Variants in MTMR7 observed in about 807,000 individuals in gnomAD.
The protein encoded by MTMR7 is phosphatidylinositol-3-phosphate phosphatase MTMR7.
A neutral mutation model predicts 81.2 loss-of-function variants in MTMR7; 76 were observed. That is an observed-to-expected ratio of 0.94 (90% confidence interval 0.78 to 1.13). The LOEUF (loss-of-function observed/expected upper bound fraction) is 1.13. Among genes scored for constraint, MTMR7 ranks in the 50% most tolerant of loss-of-function variants. The pLI is 0.00. For missense variants in MTMR7, 1,044 were observed against 820.0 expected (o/e 1.27, Z -3.34); for synonymous variants, 372 against 289.8 (o/e 1.28, Z -2.88).
chr8:17,307,321 C>G (rs1397532022), intron 10 of MTMR7, among the ~76,000 whole-genome samples: 1 of 152,200 alleles, frequency 6.6e-6, no homozygotes, highest in Non-Finnish European at 1.5e-5. Context: ...AAATGCAAAT[C>G]AAAACCACAA....
intron 5 of MTMR7, among the ~76,000 whole-genome samples, chr8:17,342,942 A>G (rs1393259009): frequency 2.0e-5 from 3 of 151,990 alleles, no homozygotes; most frequent in African/African-American, 4.8e-5. Flanking sequence ...GATGGGGATC[A>G]AGAGGGACTT....
At chr8:17,374,164 C>T (rs905230373) in intron 1 of MTMR7, among the ~76,000 whole-genome samples, 1 of 152,206 alleles carries the variant, frequency 6.6e-6, no homozygotes, top group African/African-American at 2.4e-5. Context: ...GGAACTAACG[C>T]ATTGTATTCG....
At chr8:17,360,653 T>G (rs1420049880) in intron 4 of MTMR7, among the ~76,000 whole-genome samples, 25 of 151,984 alleles carry the variant, frequency 1.6e-4, no homozygotes, top group Admixed American at 1.6e-3. Context: ...TTCCTGTGAG[T>G]GTAGACATGT....
At chr8:17,335,453 A>G (rs1166504486) in intron 6 of MTMR7, among the ~76,000 whole-genome samples, 4 of 152,218 alleles carry the variant, frequency 2.6e-5, no homozygotes, top group African/African-American at 7.2e-5. Flanking sequence ...TCATCTTGGT[A>G]TCAGGTTAAA....
chr8:17,350,637 T>C (rs1007469405), intron 4 of MTMR7, among the ~76,000 whole-genome samples: 1 of 152,140 alleles, frequency 6.6e-6, no homozygotes, highest in Non-Finnish European at 1.5e-5. Flanking sequence ...GCAGGCCCTG[T>C]GTCCATCTCC....
chr8:17,362,251 T>C (rs1820082788), intron 3 of MTMR7, among the ~76,000 whole-genome samples: 1 of 152,240 alleles, frequency 6.6e-6, no homozygotes, highest in Non-Finnish European at 1.5e-5. Flanking sequence ...TAATATTTGA[T>C]ACATTTTGTT....
At chr8:17,345,412 G>T (rs1056879784) in intron 5 of MTMR7, among the ~76,000 whole-genome samples, 9 of 152,210 alleles carry the variant, frequency 5.9e-5, no homozygotes, top group Non-Finnish European at 7.3e-5. Flanking sequence ...ATACTACACA[G>T]CCTGCCTCTC....
rs566778791 is a variant in MTMR7 at position 17,377,677 on chromosome 8, T to C, written c.25-4437A>G. On this transcript the variant is annotated intron_variant, in intron 1 of 13. Transcript: ENST00000180173. ...ACAAAAGTTTTTAAATTCAATCATT[T>C]TCCTCCAAGTATATCTCAGGTTTTA... is the stretch of plus-strand genomic sequence containing the variant. 9.2e-5 allele frequency among the ~76,000 whole-genome samples: 14 copies of C among 152,254 alleles called. No individual in the cohort carries two copies. The South Asian group carries it at 1.2e-3, about 14-fold the overall frequency.
rs527375441 is a variant in MTMR7, at chr8:17,332,724, T to C, written c.733-1442A>G. Reference sequence around the variant, plus strand: ...GGTCGAACCATTAAGTCAGAGACCCTCTGTGCATAGACTTGGCATTGGCCC... The same window carrying C: ...GGTCGAACCATTAAGTCAGAGACCCCCTGTGCATAGACTTGGCATTGGCCC... On this transcript the variant is annotated intron_variant, in intron 6 of 13. Coordinates refer to ENST00000180173, the MANE Select transcript of MTMR7 (RefSeq NM_004686.5). Among the ~76,000 whole-genome samples the C allele has an allele frequency of 2.0e-5, 3 of 152,346 alleles. No individual in the cohort carries two copies. The South Asian group carries it at 6.2e-4, about 32-fold the overall frequency.
chr8:17,312,776 C>T (rs925605471), intron 8 of MTMR7, among the ~76,000 whole-genome samples: 5 of 152,074 alleles, frequency 3.3e-5, no homozygotes, highest in African/African-American at 1.2e-4. Context: ...ATATGGTTCT[C>T]TTTAGGTATA....
rs1310023230 is a variant in MTMR7, at chr8:17,298,679, C to T, written c.*1183G>A. The stretch of plus-strand genomic sequence containing the variant: ...CTAGAATGTACTAATATATTAAAAC[C>T]ATACAGTGTGAATACCATTTATTTA... On this transcript the variant is annotated 3_prime_UTR_variant, in exon 14 of 14. Coordinates refer to ENST00000180173, the MANE Select transcript of MTMR7 (RefSeq NM_004686.5). The T allele has an allele frequency of 6.6e-6, 1 of 152,346 alleles. No individual in the cohort carries two copies. The highest frequency in any genetic ancestry group is 1.5e-5 in the Non-Finnish European group (1 of 67,956). The allele number at this position is 152,346 out of a possible 1,614,324, so 9.4% of individuals were successfully genotyped here.
chr8:17,304,449 A>T lies in MTMR7; in HGVS notation c.1423T>A (p.Phe475Ile). ...TGAGTCTGGCTGTGATCAGCTCTAA[A>T]CAGAGGATTCAGGTAGTCGGCCCGA... ...KNRADYLNPL[F>I]RADHSQTQGT... The change falls in exon 12 of 14, where the codon TTT becomes ATT. Residue 475 changes from phenylalanine to isoleucine, a missense_variant. Phe to Ile is a conservative substitution (Grantham distance 21). Transcript: ENST00000180173. 6.2e-7 allele frequency: 1 copy of T among 1,614,104 alleles called. No individual in the cohort carries two copies. The highest frequency in any genetic ancestry group is 1.1e-5 in the South Asian group (1 of 91,082).
chr8:17,299,112 A>ATACTT lies in MTMR7; in HGVS notation c.*745_*749dup, dbSNP rs1388399477. The ATACTT allele has an allele frequency of 6.6e-6, 1 of 152,212 alleles. No individual in the cohort carries two copies. Among genetic ancestry groups the ATACTT allele is most frequent in the Non-Finnish European group, 1.5e-5 (1 of 68,042 alleles). 9.4% of individuals were successfully genotyped at this position (152,212 alleles called of 1,614,324 possible). ...ATAAAAGGTTATTACAAGAAAGCTG[A>ATACTT]TACTTAAATTCATATGTAAGACCAG... On this transcript the variant is annotated 3_prime_UTR_variant, in exon 14 of 14. Transcript: ENST00000180173.
At chr8:17,319,383 G>C (rs1283853267) in intron 7 of MTMR7, among the ~76,000 whole-genome samples, 1 of 152,214 alleles carries the variant, frequency 6.6e-6, no homozygotes, top group African/African-American at 2.4e-5. Flanking sequence ...TCCAGCAGGG[G>C]TGTCCTGGGA....
chr8:17,305,944 C>G lies in MTMR7; in HGVS notation c.1165G>C (p.Asp389His). The G allele has an allele frequency of 6.2e-7, 1 of 1,612,804 alleles. No homozygotes were observed. Among genetic ancestry groups the G allele is most frequent in the Non-Finnish European group, 8.5e-7 (1 of 1,179,064 alleles). The change falls in exon 11 of 14, where the codon GAT becomes CAT. Residue 389 changes from aspartate (D) to histidine (H), a missense_variant. Coordinates refer to ENST00000180173, the MANE Select transcript of MTMR7 (RefSeq NM_004686.5). The part of the protein sequence containing the change: ...HKFNHRYGNL[D>H]GDPKEISPVI... Reference sequence around the variant, plus strand: ...GGAGAGATTTCTTTTGGGTCACCATCTAGATTGCCATATCTATAAAACAAA... The same window carrying G: ...GGAGAGATTTCTTTTGGGTCACCATGTAGATTGCCATATCTATAAAACAAA...
chr8:17,313,443 C>A lies in MTMR7; in HGVS notation c.866-42G>T, dbSNP rs772623072. On this transcript the variant is annotated intron_variant, in intron 7 of 13. Transcript: ENST00000180173. ...GTTATAAAAGCAAAATTAAGGTACT[C>A]TCTCATTTTACATATGATCATGTTT... 2.3e-6 allele frequency: 3 copies of A among 1,283,774 alleles called. No individual in the cohort carries two copies. In the South Asian group the frequency reaches 3.8e-5, roughly 16 times the overall value. The allele number at this position is 1,283,774 out of a possible 1,614,324, so 79.5% of individuals were successfully genotyped here. A position where few individuals can be genotyped will look rare whatever the true frequency, so the allele number is the denominator to read the frequency against.
At chr8:17,359,059 A>C (rs1819983530) in intron 4 of MTMR7, among the ~76,000 whole-genome samples, 1 of 151,944 alleles carries the variant, frequency 6.6e-6, no homozygotes, top group African/African-American at 2.4e-5. Flanking sequence ...ATGTCCAGCT[A>C]ATTTTTTAAA....
chr8:17,322,923 C>A (rs1305572579), intron 7 of MTMR7, among the ~76,000 whole-genome samples: 1 of 151,286 alleles, frequency 6.6e-6, no homozygotes, highest in East Asian at 1.9e-4. Context: ...ACCTTCACAA[C>A]CTCCCATCTA....
intron 2 of MTMR7, 158 bp downstream of exon 2, chr8:17,372,960 T>C (rs1820465121): frequency 1.3e-6 from 1 of 783,432 alleles, no homozygotes; most frequent in Non-Finnish European, 2.0e-6. Context: ...TAGATACGAC[T>C]GCACAGAAAA....
Sources: gnomAD v4.1 joint callset for allele counts (sites outside exome capture counted in the v4.1 genomes callset) on GRCh38, gnomAD v4.1.1 for gene constraint, MANE v1.5 for transcripts, NCBI Gene and HGNC (gene_info 2026-07-23, HGNC 2026-07-21) for gene names.